NKD1: variants seen among roughly 807,000 people sequenced by gnomAD.
NKD1 encodes the protein NKD inhibitor of Wnt signaling pathway 1.
A neutral mutation model predicts 56.0 loss-of-function variants in NKD1; 21 were observed. The observed-to-expected ratio is 0.38, with a 90% confidence interval of 0.27 to 0.54. The LOEUF (loss-of-function observed/expected upper bound fraction) is 0.54. Ranked by LOEUF, NKD1 falls within the 20% of genes least tolerant of loss-of-function variation. NKD1 has a pLI of 0.82. For missense variants in NKD1, 578 were observed against 642.7 expected (o/e 0.90, Z 1.09); for synonymous variants, 263 against 265.7 (o/e 0.99, Z 0.10).
At chr16:50,624,864 G>A (rs1290407931) in intron 5 of NKD1, among the ~76,000 whole-genome samples, 1 of 152,214 alleles carries the variant, frequency 6.6e-6, no homozygotes, top group Non-Finnish European at 1.5e-5. Context: ...GTGGGAGGTC[G>A]GGAACTGTCC....
At chr16:50,604,498 C>T (rs961511137) in intron 3 of NKD1, among the ~76,000 whole-genome samples, 1 of 152,364 alleles carries the variant, frequency 6.6e-6, no homozygotes, top group Non-Finnish European at 1.5e-5. Context: ...ATGAACCCCA[C>T]TCATGCTTTC....
At chr16:50,590,879 AC>A (rs1352310579) in intron 3 of NKD1, among the ~76,000 whole-genome samples, 1 of 152,156 alleles carries the variant, frequency 6.6e-6, no homozygotes, top group Non-Finnish European at 1.5e-5. Context: ...GTGCAGTGGC[AC>A]AATCTCGGCT....
chr16:50,592,967 A>G (rs1252442931), intron 3 of NKD1, among the ~76,000 whole-genome samples: 1 of 152,186 alleles, frequency 6.6e-6, no homozygotes, highest in Non-Finnish European at 1.5e-5. Context: ...TTAAGGCACT[A>G]GCATTATATG....
intron 3 of NKD1, chr16:50,606,848 G>A (rs946794650): frequency 2.8e-5 from 13 of 456,576 alleles, no homozygotes; most frequent in Admixed American, 7.0e-5. Flanking sequence ...GGTGGCACCC[G>A]TCTCTCTTCT....
At chr16:50,549,989 G>A (rs142438752) in intron 3 of NKD1, among the ~76,000 whole-genome samples, 6 of 152,266 alleles carry the variant, frequency 3.9e-5, no homozygotes, top group Non-Finnish European at 7.4e-5. Context: ...CTGATTGTCT[G>A]TGGCATTCAT....
chr16:50,571,012 G>T, intron 3 of NKD1: 1 of 985,068 alleles, frequency 1.0e-6, no homozygotes, highest in Non-Finnish European at 1.2e-6. Context: ...TCCTGGGTGT[G>T]CACCTGTCCC....
intron 4 of NKD1, among the ~76,000 whole-genome samples, chr16:50,620,616 A>T (rs1050378269): frequency 6.6e-6 from 1 of 152,182 alleles, no homozygotes; most frequent in African/African-American, 2.4e-5. Flanking sequence ...AGGAGCTGTG[A>T]GTGTGGCCTG....
intron 3 of NKD1, chr16:50,572,782 C>T (rs183350498): frequency 9.2e-5 from 57 of 618,556 alleles, no homozygotes; most frequent in East Asian, 2.8e-4. Flanking sequence ...TCCCTGAGTC[C>T]GACAGAGACA....
At position 50,598,145 on chromosome 16, in the gene NKD1, A is replaced by C. The variant is rs958993135; in HGVS notation, c.193-10149A>C. ...GCCAGGAGATGAGAGTGGGAGGCCC[A>C]GGGCTGATGGGATCAGAGTGGGTAG... On this transcript the variant is annotated intron_variant, in intron 3 of 9. Transcript: ENST00000268459. This position sits in a 1 kb window ranked among gnomAD's most constrained non-coding sequence, Gnocchi z 4.2. Among the ~76,000 whole-genome samples the C allele has an allele frequency of 1.3e-5, 2 of 151,982 alleles. No homozygotes were observed. Among genetic ancestry groups the C allele is most frequent in the African/African-American group, 2.4e-5 (1 of 41,404 alleles).
intron 3 of NKD1, chr16:50,606,621 G>A (rs1393713186): frequency 2.2e-5 from 8 of 370,244 alleles, no homozygotes; most frequent in South Asian, 7.9e-5. Context: ...TGTTGGTGGC[G>A]ATGTCTGGAG....
chr16:50,621,511 A>C, intron 4 of NKD1, 91 bp from the exon 5 acceptor site: 1 of 869,624 alleles, frequency 1.1e-6, no homozygotes, highest in Non-Finnish European at 1.8e-6. Flanking sequence ...GAGAATGTCC[A>C]GGCCAGGCAT....
rs142126510 is a variant in NKD1 at position 50,582,597 on chromosome 16, G to A, written c.193-25697G>A. Among the ~76,000 whole-genome samples, 1,176 of 152,334 alleles carry A rather than the reference G, an allele frequency of 7.7e-3. 9 individuals carry two copies. Among genetic ancestry groups the A allele is most frequent in the Middle Eastern group, 0.017 (5 of 294 alleles). On this transcript the variant is annotated intron_variant, in intron 3 of 9. Transcript: ENST00000268459. ...CTGGGGTTCCAAGGCTGCTACCTTT[G>A]TCTTGATGTTCATCCACGAATTATC...
chr16:50,631,354 GT>G (rs1356666034), intron 8 of NKD1, among the ~76,000 whole-genome samples: 1 of 152,190 alleles, frequency 6.6e-6, no homozygotes, highest in African/African-American at 2.4e-5. Context: ...TGAGGCTGTA[GT>G]TACCTTTCAC....
At chr16:50,570,289 G>T (rs1019040842) in intron 3 of NKD1, among the ~76,000 whole-genome samples, 2 of 152,068 alleles carry the variant, frequency 1.3e-5, no homozygotes, top group African/African-American at 4.8e-5. Flanking sequence ...GGATGATGTT[G>T]ACCCCAAGGA....
At chr16:50,570,356 C>G (rs1178028024) in intron 3 of NKD1, among the ~76,000 whole-genome samples, 2 of 152,126 alleles carry the variant, frequency 1.3e-5, no homozygotes, top group Admixed American at 6.5e-5. Context: ...GTATAAAACA[C>G]AGATATACAT....
At chr16:50,548,827 A>G in intron 2 of NKD1, 78 bp downstream of exon 2, 1 of 1,313,048 alleles carries the variant, frequency 7.6e-7, no homozygotes, top group Non-Finnish European at 9.7e-7. Context: ...CCAGCCCGCC[A>G]GGTCTTATGA....
At chr16:50,583,559 A>G (rs1200013720) in intron 3 of NKD1, among the ~76,000 whole-genome samples, 2 of 152,334 alleles carry the variant, frequency 1.3e-5, no homozygotes, top group African/African-American at 4.8e-5. Context: ...AGCTGAGGCC[A>G]GTCTGCCCAA....
chr16:50,631,049 CA>C (rs1160331679), intron 8 of NKD1, 139 bp downstream of exon 8: 1 of 584,510 alleles, frequency 1.7e-6, no homozygotes, highest in Non-Finnish European at 3.0e-6. Context: ...ACTCATAAAT[CA>C]AATGAAAATC....
intron 3 of NKD1, chr16:50,562,228 A>C: frequency 1.2e-6 from 1 of 823,000 alleles, no homozygotes; most frequent in Non-Finnish European, 1.5e-6. Flanking sequence ...CTGCTGAATG[A>C]GCAAAGCAAC....
Sources: gnomAD v4.1 joint callset for allele counts (sites outside exome capture counted in the v4.1 genomes callset) on GRCh38, gnomAD v4.1.1 for gene constraint, Gnocchi (gnomAD v3.1) non-coding constraint, MANE v1.5 for transcripts, NCBI Gene and HGNC (gene_info 2026-07-23, HGNC 2026-07-21) for gene names.